The following MACO1 variants were observed in gnomAD, a reference collection of about 807,000 sequenced individuals.
MACO1 encodes the protein macoilin.
In MACO1, 14 loss-of-function variants were observed where a neutral mutation model predicts 78.7. The observed-to-expected ratio is 0.18, with a 90% CI of 0.12 to 0.28. MACO1 has a LOEUF of 0.28. Among genes scored for constraint, MACO1 ranks in the 10% least tolerant of loss-of-function variants. The probability of loss-of-function intolerance (pLI) is 1.00; values close to 1 mark genes in which losing one functional copy is unlikely to be tolerated. For synonymous variants in MACO1, 288 were observed against 291.6 expected (o/e 0.99, Z 0.12); for missense variants, 501 against 799.0 (o/e 0.63, Z 4.50).
chr1:25,431,908 C>A (rs1169038137), intron 1 of MACO1, among the ~76,000 whole-genome samples: 1 of 121,892 alleles, frequency 8.2e-6, no homozygotes, highest in Non-Finnish European at 1.7e-5. Flanking sequence ...GGATTTTCTC[C>A]AAACTCTTTT....
chr1:25,445,034 G>A (rs2043003372), intron 1 of MACO1, among the ~76,000 whole-genome samples: 1 of 150,990 alleles, frequency 6.6e-6, no homozygotes, highest in African/African-American at 2.4e-5. Flanking sequence ...TTCTGGCCAG[G>A]CACATACCTG....
At chr1:25,466,063 C>G (rs769240862) in intron 6 of MACO1, among the ~76,000 whole-genome samples, 5 of 152,158 alleles carry the variant, frequency 3.3e-5, no homozygotes, top group Non-Finnish European at 7.3e-5. Flanking sequence ...ACTAGTGTGG[C>G]AGTAAACATA....
chr1:25,498,476 G>C lies in MACO1; in HGVS notation c.*10G>C. On this transcript the variant is annotated 3_prime_UTR_variant, in exon 11 of 11. Coordinates refer to ENST00000374343, the MANE Select transcript of MACO1 (RefSeq NM_018202.6). ...GCCCCTGAAGAAATGAAGGCCAGCTGTGTGTTGTGCCCAAAAATTTGGTTA... is the reference window on the plus strand; with the variant it reads ...GCCCCTGAAGAAATGAAGGCCAGCTCTGTGTTGTGCCCAAAAATTTGGTTA... The C allele has an allele frequency of 1.9e-6, 3 of 1,587,782 alleles. No homozygotes were observed. The highest frequency in any genetic ancestry group is 2.6e-6 in the Non-Finnish European group (3 of 1,169,860).
At chr1:25,489,321 G>T (rs770358891) in intron 9 of MACO1, 28 bp downstream of exon 9, 1 of 1,609,414 alleles carries the variant, frequency 6.2e-7, no homozygotes, top group Non-Finnish European at 8.5e-7. Flanking sequence ...GACTTCCCTT[G>T]TATTTGAATT....
chr1:25,454,122 G>T, intron 3 of MACO1, 137 bp from the exon 4 acceptor site: 2 of 1,015,198 alleles, frequency 2.0e-6, no homozygotes, highest in Non-Finnish European at 2.6e-6. Flanking sequence ...CTTTCAGTTT[G>T]GATCAGTTTG....
intron 8 of MACO1, among the ~76,000 whole-genome samples, chr1:25,486,550 T>C (rs1251435423): frequency 6.6e-6 from 1 of 152,234 alleles, no homozygotes; most frequent in African/African-American, 2.4e-5. Context: ...TAAATTATTA[T>C]TTATTTCACT....
In MACO1 at chr1:25,498,573, C is replaced by A; in HGVS notation, c.*107C>A. ...ACAGTTTCTATTGTATTTTGTGGAA[C>A]TGTATCTGTTGTCATTTTTAAAAAG... On this transcript the variant is annotated 3_prime_UTR_variant, in exon 11 of 11. Coordinates refer to ENST00000374343, the MANE Select transcript of MACO1 (RefSeq NM_018202.6). The A allele has an allele frequency of 1.9e-6, 2 of 1,067,944 alleles. No individual in the cohort carries two copies. Among genetic ancestry groups the A allele is most frequent in the Non-Finnish European group, 2.7e-6 (2 of 734,248 alleles). The allele number at this position is 1,067,944 out of a possible 1,614,324, so 66.2% of individuals were successfully genotyped here.
intron 6 of MACO1, among the ~76,000 whole-genome samples, chr1:25,471,614 C>G (rs551027533): frequency 6.6e-6 from 1 of 152,240 alleles, no homozygotes; most frequent in Admixed American, 6.5e-5. Context: ...TCAGTAAATA[C>G]TTGTTGAATT....
At chr1:25,484,987 G>A (rs188803424) in intron 7 of MACO1, among the ~76,000 whole-genome samples, 4 of 152,240 alleles carry the variant, frequency 2.6e-5, no homozygotes, top group Admixed American at 2.6e-4. Flanking sequence ...GATATGTAGA[G>A]AACATCCCAG....
chr1:25,456,257 CAAAA>C (rs1044716470), intron 4 of MACO1, among the ~76,000 whole-genome samples: 8 of 86,412 alleles, frequency 9.3e-5, no homozygotes, highest in African/African-American at 2.1e-4. Context: ...GACTCCATTT[CAAAA>C]AAAAAAAAAA....
At chr1:25,448,577 T>C (rs1398803462) in intron 2 of MACO1, among the ~76,000 whole-genome samples, 1 of 152,230 alleles carries the variant, frequency 6.6e-6, no homozygotes, top group Non-Finnish European at 1.5e-5. Context: ...CAGTTCTTTT[T>C]CATGATTTGA....
chr1:25,450,095 A>G lies in MACO1; in HGVS notation c.349+1161A>G, dbSNP rs536126745. Among the ~76,000 whole-genome samples the G allele has an allele frequency of 3.3e-5, 5 of 152,290 alleles. No homozygotes were observed. In the Middle Eastern group the frequency reaches 0.01, roughly 311 times the overall value. ...CCAGACCATCGCCTCAATCCCAAAC[A>G]TTGAACCTCTGCATTAGAGCCACAC... On this transcript the variant is annotated intron_variant, in intron 3 of 10. Coordinates refer to ENST00000374343, the MANE Select transcript of MACO1 (RefSeq NM_018202.6).
In MACO1 at chr1:25,498,632, C is replaced by A; in HGVS notation, c.*166C>A. Reference sequence around the variant, plus strand: ...AGATAACATCCAAGTCTGATTAGAACTGCCCATCAGTTTTTCTTGTAAATT... The same window carrying A: ...AGATAACATCCAAGTCTGATTAGAAATGCCCATCAGTTTTTCTTGTAAATT... On this transcript the variant is annotated 3_prime_UTR_variant, in exon 11 of 11. Transcript: ENST00000374343. The A allele has an allele frequency of 1.7e-6, 1 of 600,890 alleles. No individual in the cohort carries two copies. Among genetic ancestry groups the A allele is most frequent in the Non-Finnish European group, 2.7e-6 (1 of 366,036 alleles). 37.2% of individuals were successfully genotyped at this position (600,890 alleles called of 1,614,324 possible).
chr1:25,467,623 T>C (rs541863569), intron 6 of MACO1, among the ~76,000 whole-genome samples: 6 of 152,316 alleles, frequency 3.9e-5, no homozygotes, highest in African/African-American at 1.4e-4. Flanking sequence ...GTATCAACCC[T>C]TTAAAGTAGT....
chr1:25,431,626 G>A (rs1213086210), intron 1 of MACO1, among the ~76,000 whole-genome samples: 5 of 152,178 alleles, frequency 3.3e-5, no homozygotes, highest in East Asian at 3.9e-4. Context: ...CACAGCGCGG[G>A]GGGGTGGGGG....
chr1:25,469,351 G>A (rs1460036985), intron 6 of MACO1, among the ~76,000 whole-genome samples: 4 of 152,170 alleles, frequency 2.6e-5, no homozygotes, highest in Admixed American at 2.6e-4. Flanking sequence ...GTTTAAGTTG[G>A]TGAGTGAGCA....
intron 4 of MACO1, among the ~76,000 whole-genome samples, chr1:25,456,168 GA>G (rs1359799661): frequency 6.6e-6 from 1 of 150,662 alleles, no homozygotes; most frequent in African/African-American, 2.4e-5. Flanking sequence ...TGAGGCAGGA[GA>G]ATCACTTGAA....
chr1:25,441,314 C>T (rs2042970294), intron 1 of MACO1, among the ~76,000 whole-genome samples: 1 of 152,120 alleles, frequency 6.6e-6, no homozygotes, highest in Admixed American at 6.6e-5. Context: ...CTTCAGCCTC[C>T]AGAGTAGCTG....
rs2043422321 is a variant in MACO1, at chr1:25,485,587, T to G, written c.1314-26T>G. ...TAGTGGGCATTTGTAATTTTAAGAC[T>G]TTATATGACAATCATTTCCATATAG... On this transcript the variant is annotated intron_variant, in intron 7 of 10. Transcript: ENST00000374343. This position sits in a 1 kb window ranked among gnomAD's most constrained non-coding sequence, Gnocchi z 4.3. The G allele has an allele frequency of 6.2e-7, 1 of 1,600,208 alleles. No homozygotes were observed. Among genetic ancestry groups the G allele is most frequent in the East Asian group, 2.2e-5 (1 of 44,758 alleles).
Sources: gnomAD v4.1 joint callset for allele counts (sites outside exome capture counted in the v4.1 genomes callset) on GRCh38, gnomAD v4.1.1 for gene constraint, Gnocchi (gnomAD v3.1) non-coding constraint, MANE v1.5 for transcripts, NCBI Gene and HGNC (gene_info 2026-07-23, HGNC 2026-07-21) for gene names.